Variants in CRISPLD2 observed in about 807,000 individuals in gnomAD.
CRISPLD2 encodes the protein cysteine-rich secretory protein LCCL domain-containing 2.
Under a neutral mutation model 71.1 loss-of-function variants are expected in CRISPLD2, and 47 were observed. The observed-to-expected ratio is 0.66, with a 90% CI of 0.52 to 0.84. CRISPLD2 has a LOEUF of 0.84. Among genes scored for constraint, CRISPLD2 ranks in the 40% least tolerant of loss-of-function variants. The probability of loss-of-function intolerance (pLI) is 0.00; values close to 1 mark genes in which losing one functional copy is unlikely to be tolerated. For missense variants in CRISPLD2, 830 were observed against 651.1 expected (o/e 1.27, Z -2.99); for synonymous variants, 317 against 250.1 (o/e 1.27, Z -2.52).
intron 14 of CRISPLD2, among the ~76,000 whole-genome samples, chr16:84,892,822 A>G (rs2071674254): frequency 6.6e-6 from 1 of 151,878 alleles, no homozygotes; most frequent in Non-Finnish European, 1.5e-5. Flanking sequence ...CTAAAAATAC[A>G]GAAATTAGCT....
At chr16:84,821,455 G>A (rs1172481109) in intron 1 of CRISPLD2, among the ~76,000 whole-genome samples, 1 of 152,188 alleles carries the variant, frequency 6.6e-6, no homozygotes, top group Non-Finnish European at 1.5e-5. Context: ...CCGGGGAGTA[G>A]GCCTCTTGAT....
At chr16:84,842,807 C>G (rs1916811595) in intron 2 of CRISPLD2, among the ~76,000 whole-genome samples, 1 of 152,152 alleles carries the variant, frequency 6.6e-6, no homozygotes, top group Non-Finnish European at 1.5e-5. Context: ...ATCCGCGCAT[C>G]CCTGGTGGCT....
At chr16:84,857,935 G>A (rs973573741) in intron 6 of CRISPLD2, among the ~76,000 whole-genome samples, 2 of 152,144 alleles carry the variant, frequency 1.3e-5, no homozygotes, top group East Asian at 1.9e-4. Flanking sequence ...TTTATGGCTC[G>A]ATGGGTCAGA....
intron 12 of CRISPLD2, among the ~76,000 whole-genome samples, chr16:84,879,230 A>G (rs2071546971): frequency 6.6e-6 from 1 of 152,266 alleles, no homozygotes; most frequent in Admixed American, 6.5e-5. Context: ...AGAGAGAAGC[A>G]GAAGGAAAGA....
chr16:84,822,190 C>T (rs1004860333), intron 1 of CRISPLD2, among the ~76,000 whole-genome samples: 2 of 146,850 alleles, frequency 1.4e-5, no homozygotes, highest in East Asian at 1.9e-4. Context: ...CTGAGAGCCC[C>T]GTCCCAGGAC....
intron 6 of CRISPLD2, among the ~76,000 whole-genome samples, chr16:84,866,013 C>T (rs947293375): frequency 2.6e-5 from 4 of 152,108 alleles, no homozygotes; most frequent in East Asian, 1.9e-4. Flanking sequence ...AGTACAGAAG[C>T]AACAATTGAG....
At chr16:84,825,914 G>A (rs757341406) in intron 1 of CRISPLD2, among the ~76,000 whole-genome samples, 26 of 151,882 alleles carry the variant, frequency 1.7e-4, no homozygotes, top group African/African-American at 4.4e-4. Context: ...CAGTGTTCAC[G>A]CCACGGCACT....
intron 14 of CRISPLD2, among the ~76,000 whole-genome samples, chr16:84,893,894 G>A (rs1198908566): frequency 6.6e-6 from 1 of 152,218 alleles, no homozygotes; most frequent in African/African-American, 2.4e-5. Flanking sequence ...CCTGACGGCT[G>A]GTAAGCCCTT....
At chr16:84,900,203 A>G (rs1282879521) in intron 14 of CRISPLD2, among the ~76,000 whole-genome samples, 1 of 152,056 alleles carries the variant, frequency 6.6e-6, no homozygotes, top group Non-Finnish European at 1.5e-5. Context: ...ACACGTTTCA[A>G]AAGTTCAATT....
At chr16:84,896,802 A>C (rs763226492) in intron 14 of CRISPLD2, among the ~76,000 whole-genome samples, 1 of 152,198 alleles carries the variant, frequency 6.6e-6, no homozygotes, top group Non-Finnish European at 1.5e-5. Context: ...CATATAAATG[A>C]TATTTCTTAA....
intron 1 of CRISPLD2, among the ~76,000 whole-genome samples, chr16:84,825,271 G>T (rs76805623): frequency 0.1 from 15,519 of 150,212 alleles, 932 homozygotes; most frequent in East Asian, 0.24. Context: ...TTCTCAGAGT[G>T]GGGGCCAGCA....
At chr16:84,835,769 C>T (rs1916603340) in intron 1 of CRISPLD2, among the ~76,000 whole-genome samples, 1 of 152,254 alleles carries the variant, frequency 6.6e-6, no homozygotes, top group Non-Finnish European at 1.5e-5. Context: ...AAGGACCAGC[C>T]TCTAAGCTGT....
At chr16:84,822,695 G>A (rs1916258321) in intron 1 of CRISPLD2, among the ~76,000 whole-genome samples, 1 of 152,182 alleles carries the variant, frequency 6.6e-6, no homozygotes, top group Non-Finnish European at 1.5e-5. Flanking sequence ...AGTTCATTGA[G>A]TGGAACAGAT....
At chr16:84,836,123 C>T (rs1044615142) in intron 1 of CRISPLD2, 1 of 152,174 alleles carries the variant, frequency 6.6e-6, no homozygotes, top group Non-Finnish European at 1.5e-5. Context: ...ATGAAATTAC[C>T]TTCAGGCTAC....
At chr16:84,903,493 G>A (rs2071773758) in intron 14 of CRISPLD2, among the ~76,000 whole-genome samples, 1 of 152,132 alleles carries the variant, frequency 6.6e-6, no homozygotes, top group South Asian at 2.1e-4. Context: ...TTGAGAGGCT[G>A]AGGCAGGAGA....
intron 14 of CRISPLD2, among the ~76,000 whole-genome samples, chr16:84,898,447 T>G (rs2071725478): frequency 6.6e-6 from 1 of 152,128 alleles, no homozygotes; most frequent in Non-Finnish European, 1.5e-5. Flanking sequence ...ACCAAGATCA[T>G]GCACACCTCA....
chr16:84,904,934 A>G (rs1174840914), intron 14 of CRISPLD2, among the ~76,000 whole-genome samples: 1 of 152,234 alleles, frequency 6.6e-6, no homozygotes, highest in Non-Finnish European at 1.5e-5. Context: ...TCTATAAATG[A>G]AAACAAATTG....
At chr16:84,879,976 C>T (rs2071554167) in intron 12 of CRISPLD2, among the ~76,000 whole-genome samples, 1 of 152,192 alleles carries the variant, frequency 6.6e-6, no homozygotes, top group African/African-American at 2.4e-5. Context: ...GTGCTTTCCT[C>T]ATGCCCTGGA....
At chr16:84,861,953 A>G (rs1917396007) in intron 6 of CRISPLD2, among the ~76,000 whole-genome samples, 1 of 152,148 alleles carries the variant, frequency 6.6e-6, no homozygotes. Flanking sequence ...CAGACATTTG[A>G]ACAAGAAAGT....
Sources: gnomAD v4.1 joint callset for allele counts (sites outside exome capture counted in the v4.1 genomes callset) on GRCh38, gnomAD v4.1.1 for gene constraint, MANE v1.5 for transcripts, NCBI Gene and HGNC (gene_info 2026-07-23, HGNC 2026-07-21) for gene names.